The following TMEM156 variants were observed in gnomAD, a reference collection of about 807,000 sequenced individuals.
The protein encoded by TMEM156 is transmembrane protein 156.
Under a neutral mutation model 30.5 loss-of-function variants are expected in TMEM156, and 28 were observed. The observed-to-expected ratio is 0.92, with a 90% CI of 0.68 to 1.26. The LOEUF is 1.26. Ranked by LOEUF, TMEM156 falls within the 50% of genes most tolerant of loss-of-function variation. The pLI is 0.00. For synonymous variants in TMEM156, 137 were observed against 119.9 expected (o/e 1.14, Z -0.93); for missense variants, 351 against 340.6 (o/e 1.03, Z -0.24).
chr4:38,994,349 C>A (rs1412661841), intron 2 of TMEM156, among the ~76,000 whole-genome samples: 1 of 152,114 alleles, frequency 6.6e-6, no homozygotes, highest in Non-Finnish European at 1.5e-5. Context: ...TGGTCTCCAA[C>A]TTTTGGACTC....
At chr4:39,021,201 G>T (rs1714841432) in intron 1 of TMEM156, among the ~76,000 whole-genome samples, 2 of 152,046 alleles carry the variant, frequency 1.3e-5, no homozygotes, top group Admixed American at 1.3e-4. Flanking sequence ...CCAGGAGTTT[G>T]GGACCAGCCT....
chr4:39,024,799 C>T (rs1026973281), intron 1 of TMEM156, among the ~76,000 whole-genome samples: 2 of 152,206 alleles, frequency 1.3e-5, no homozygotes, highest in Non-Finnish European at 2.9e-5. Context: ...CAAACCTGCA[C>T]ATGTAGGCCT....
rs113211335 is a variant in TMEM156 at position 38,971,008 on chromosome 4, C to T, written c.*38+24G>A. 505 of 1,445,092 alleles carry T rather than the reference C, an allele frequency of 3.5e-4. 1 individual carries two copies. The highest frequency in any genetic ancestry group is 2.5e-3 in the South Asian group (214 of 84,822). The allele number at this position is 1,445,092 out of a possible 1,614,324, so 89.5% of individuals were successfully genotyped here. On this transcript the variant is annotated intron_variant, in intron 6 of 6. Coordinates refer to ENST00000381938, the MANE Select transcript of TMEM156 (RefSeq NM_024943.3). Reference sequence around the variant, plus strand: ...TTATCTGTGTTTATAATGAAGAAGTCGATAAAGCCGAATCATCACTCACCG... The same window carrying T: ...TTATCTGTGTTTATAATGAAGAAGTTGATAAAGCCGAATCATCACTCACCG...
chr4:39,025,277 G>A (rs564920125), intron 1 of TMEM156, among the ~76,000 whole-genome samples: 1 of 151,096 alleles, frequency 6.6e-6, no homozygotes, highest in South Asian at 2.1e-4. Flanking sequence ...GAACATGGGA[G>A]GCGGAGGCTG....
At chr4:38,973,872 G>A (rs1178536490) in intron 5 of TMEM156, among the ~76,000 whole-genome samples, 2 of 152,122 alleles carry the variant, frequency 1.3e-5, no homozygotes, top group South Asian at 4.1e-4. Flanking sequence ...CATTAAGGAA[G>A]TATGTATTTG....
chr4:38,992,951 C>CG (rs1289510275), intron 3 of TMEM156, among the ~76,000 whole-genome samples: 1 of 150,126 alleles, frequency 6.7e-6, no homozygotes, highest in Non-Finnish European at 1.5e-5. Context: ...TTAGTAGAGA[C>CG]GGGGTTTCAC....
At chr4:39,031,385 G>T (rs1715491297) in intron 1 of TMEM156, among the ~76,000 whole-genome samples, 1 of 151,986 alleles carries the variant, frequency 6.6e-6, no homozygotes, top group African/African-American at 2.4e-5. Context: ...TTTTTCTCCA[G>T]TTACAAATAC....
At chr4:38,990,757 G>C (rs1246332479) in intron 3 of TMEM156, among the ~76,000 whole-genome samples, 1 of 151,782 alleles carries the variant, frequency 6.6e-6, no homozygotes. Context: ...CCCCCTGATG[G>C]AGAAGGCTTT....
At chr4:38,975,430 T>A (rs1023275814) in intron 5 of TMEM156, among the ~76,000 whole-genome samples, 1 of 149,610 alleles carries the variant, frequency 6.7e-6, no homozygotes, top group African/African-American at 2.5e-5. Context: ...TCACCCAAGC[T>A]GGAGTGCAGT....
rs961797785 is a variant in TMEM156, at chr4:38,992,983, G to A, written c.619+755C>T. On this transcript the variant is annotated intron_variant, in intron 3 of 6. Coordinates refer to ENST00000381938, the MANE Select transcript of TMEM156 (RefSeq NM_024943.3). The stretch of plus-strand genomic sequence containing the variant: ...TCACTGTGTTAGCCAGGATGGTCTC[G>A]AACTCCTGACCTCATGATCCTCCCA... Among the ~76,000 whole-genome samples the A allele has an allele frequency of 4.0e-5, 6 of 150,530 alleles. No individual in the cohort carries two copies. In the East Asian group the frequency reaches 5.9e-4, roughly 15 times the overall value.
In TMEM156 at chr4:39,002,939, C is replaced by G. The variant is rs28698286; in HGVS notation, c.89-4030G>C. Reference sequence around the variant, plus strand: ...GGGAGATATACCTAATGCTAGATGACGAGTTAGTGGGTGCAGCGCACCAGC... The same window carrying G: ...GGGAGATATACCTAATGCTAGATGAGGAGTTAGTGGGTGCAGCGCACCAGC... On this transcript the variant is annotated intron_variant, in intron 1 of 6. Transcript: ENST00000381938. Among the ~76,000 whole-genome samples the G allele has an allele frequency of 8.0e-3, 1,217 of 151,546 alleles. 25 individuals carry two copies. Among genetic ancestry groups the G allele is most frequent in the African/African-American group, 0.027 (1,106 of 41,286 alleles).
intron 3 of TMEM156, among the ~76,000 whole-genome samples, chr4:38,989,194 T>A (rs779830622): frequency 6.6e-6 from 1 of 152,262 alleles, no homozygotes; most frequent in Admixed American, 6.5e-5. Flanking sequence ...CAGCTATCCA[T>A]GTAGTTCCAA....
chr4:39,006,994 T>C lies in TMEM156; in HGVS notation c.89-8085A>G, dbSNP rs1172890348. Among the ~76,000 whole-genome samples, 3 of 152,034 alleles carry C rather than the reference T, an allele frequency of 2.0e-5. No individual in the cohort carries two copies. In the East Asian group the frequency reaches 5.8e-4, roughly 29 times the overall value. ...AAACATGGAATTGTATACAGTACGA[T>C]GTGTGGAACTAAATTTGTTTTTTCT... On this transcript the variant is annotated intron_variant, in intron 1 of 6. Transcript: ENST00000381938.
intron 5 of TMEM156, among the ~76,000 whole-genome samples, chr4:38,978,315 T>C (rs1348153809): frequency 6.6e-6 from 1 of 152,190 alleles, no homozygotes; most frequent in Non-Finnish European, 1.5e-5. Context: ...TCACACAGTA[T>C]CTGTCCCTCT....
intron 5 of TMEM156, among the ~76,000 whole-genome samples, chr4:38,973,538 T>A (rs1429913730): frequency 1.3e-5 from 2 of 152,198 alleles, no homozygotes; most frequent in Non-Finnish European, 1.5e-5. Flanking sequence ...TTTTTAAATA[T>A]TTTTGTACCC....
At chr4:38,991,702 T>A (rs1331658408) in intron 3 of TMEM156, among the ~76,000 whole-genome samples, 2 of 152,210 alleles carry the variant, frequency 1.3e-5, no homozygotes, top group East Asian at 3.8e-4. Flanking sequence ...TTAAAATTAT[T>A]ATTATGGAAG....
At chr4:38,990,357 A>G (rs572095526) in intron 3 of TMEM156, among the ~76,000 whole-genome samples, 340 of 152,308 alleles carry the variant, frequency 2.2e-3, no homozygotes, top group African/African-American at 7.8e-3. Flanking sequence ...CCCCAAGACT[A>G]TTCCACGCTC....
At chr4:38,990,340 T>C (rs1331149976) in intron 3 of TMEM156, among the ~76,000 whole-genome samples, 1 of 152,196 alleles carries the variant, frequency 6.6e-6, no homozygotes, top group Non-Finnish European at 1.5e-5. Flanking sequence ...ATGGCGGCGC[T>C]CAGCCTCCCC....
At chr4:39,010,672 A>T (rs1257393963) in intron 1 of TMEM156, among the ~76,000 whole-genome samples, 1 of 152,210 alleles carries the variant, frequency 6.6e-6, no homozygotes, top group Non-Finnish European at 1.5e-5. Context: ...TGGGGAAAGG[A>T]TACTCTATTC....
Sources: allele counts gnomAD v4.1 joint callset (sites outside exome capture counted in the v4.1 genomes callset), GRCh38; gene constraint gnomAD v4.1.1; transcripts MANE v1.5; gene names NCBI Gene and HGNC (gene_info 2026-07-23, HGNC 2026-07-21).